Variants in ABI3BP observed in about 807,000 individuals in gnomAD.
The protein encoded by ABI3BP is target of Nesh-SH3.
In ABI3BP, 216 loss-of-function variants were observed where a neutral mutation model predicts 268.6. That is an observed-to-expected ratio of 0.80 (90% CI 0.72 to 0.90). The LOEUF is 0.90. ABI3BP is among the 40% of genes least tolerant of loss of function. ABI3BP has a pLI of 0.00. For synonymous variants in ABI3BP, 730 were observed against 730.0 expected (o/e 1.00, Z 0.00); for missense variants, 2,090 against 2,182.4 (o/e 0.96, Z 0.84).
chr3:100,750,242 A>G lies in ABI3BP; in HGVS notation c.*253T>C. 1 of 344,392 alleles carries G rather than the reference A, an allele frequency of 2.9e-6. No individual in the cohort carries two copies. 21.3% of individuals were successfully genotyped at this position (344,392 alleles called of 1,614,324 possible). Reference sequence around the variant, plus strand: ...TAATATACAAATGATCTCTTAAAATACCATGAATAGGGAGCCAGCTTCCCC... The same window carrying G: ...TAATATACAAATGATCTCTTAAAATGCCATGAATAGGGAGCCAGCTTCCCC... On this transcript the variant is annotated 3_prime_UTR_variant, in exon 68 of 68. Transcript: ENST00000471714.
At chr3:100,826,677 T>A (rs565251944) in intron 34 of ABI3BP, among the ~76,000 whole-genome samples, 2 of 152,308 alleles carry the variant, frequency 1.3e-5, no homozygotes, top group South Asian at 4.1e-4. Context: ...AAATGACTGA[T>A]GATCTTGCTG....
At chr3:100,856,850 C>T (rs528552515) in intron 14 of ABI3BP, among the ~76,000 whole-genome samples, 22 of 152,276 alleles carry the variant, frequency 1.4e-4, no homozygotes, top group African/African-American at 5.1e-4. Flanking sequence ...GGCATTTATG[C>T]TGCTTCTCCT....
At chr3:100,797,521 T>G (rs190879391) in intron 51 of ABI3BP, among the ~76,000 whole-genome samples, 1 of 152,046 alleles carries the variant, frequency 6.6e-6, no homozygotes, top group Admixed American at 6.6e-5. Context: ...AAAATTATGA[T>G]TCAGGCTAGA....
intron 36 of ABI3BP, among the ~76,000 whole-genome samples, chr3:100,824,060 G>C (rs1285175204): frequency 6.6e-6 from 1 of 152,148 alleles, no homozygotes; most frequent in Non-Finnish European, 1.5e-5. Context: ...TGGTCACTCA[G>C]CCTGTAATAA....
At chr3:100,885,902 A>G (rs915807425) in intron 5 of ABI3BP, among the ~76,000 whole-genome samples, 1 of 152,028 alleles carries the variant, frequency 6.6e-6, no homozygotes, top group Admixed American at 6.6e-5. Flanking sequence ...GCTGTAATAC[A>G]ATAGACAACG....
chr3:100,840,270 T>C (rs1184619555), intron 22 of ABI3BP, 106 bp from the exon 23 acceptor site: 2 of 860,800 alleles, frequency 2.3e-6, no homozygotes, highest in East Asian at 5.9e-5. Context: ...TGATTTACTG[T>C]GGACATGTTT....
intron 63 of ABI3BP, among the ~76,000 whole-genome samples, chr3:100,764,269 CTGGGATCCCATAGCACCT>C (rs547935731): frequency 6.6e-6 from 1 of 152,340 alleles, no homozygotes; most frequent in Non-Finnish European, 1.5e-5. Flanking sequence ...GCCTCCCACC[CTGGGATCCCATAGCACCT>C]TGGGCATGCT....
At chr3:100,967,396 C>T (rs1315112254) in intron 1 of ABI3BP, among the ~76,000 whole-genome samples, 4 of 150,640 alleles carry the variant, frequency 2.7e-5, no homozygotes, top group East Asian at 2.0e-4. Flanking sequence ...CCCAGCTACT[C>T]GGGAGGCTGA....
intron 44 of ABI3BP, among the ~76,000 whole-genome samples, chr3:100,814,958 A>G (rs186249758): frequency 1.3e-5 from 2 of 152,260 alleles, no homozygotes; most frequent in African/African-American, 4.8e-5. Context: ...TTTCTCTCAG[A>G]AGGCACAGAA....
intron 6 of ABI3BP, among the ~76,000 whole-genome samples, chr3:100,881,992 G>A (rs376221169): frequency 2.0e-5 from 3 of 152,232 alleles, no homozygotes; most frequent in African/African-American, 7.2e-5. Flanking sequence ...AGGATGGGCT[G>A]TATTTTGTAT....
In ABI3BP at chr3:100,954,039, C is replaced by T. The variant is rs187484909; in HGVS notation, c.80-27558G>A. 2.1e-4 allele frequency among the ~76,000 whole-genome samples: 32 copies of T among 152,208 alleles called. 1 individual carries two copies. The highest frequency in any genetic ancestry group is 4.0e-4 in the Non-Finnish European group (27 of 68,000). On this transcript the variant is annotated intron_variant, in intron 1 of 67. Coordinates refer to ENST00000471714, the MANE Select transcript of ABI3BP (RefSeq NM_001375547.2). ...TCTTTCTCACTCCCAAACACTAGTA[C>T]GTGTAACAAAGGTCCAGATACAGTG...
In ABI3BP at chr3:100,850,684, G is replaced by T. The variant is rs200613525; in HGVS notation, c.1402C>A (p.Leu468Ile). The T allele has an allele frequency of 6.2e-7, 1 of 1,612,962 alleles. No homozygotes were observed. Among genetic ancestry groups the T allele is most frequent in the Non-Finnish European group, 8.5e-7 (1 of 1,179,164 alleles). The change falls in exon 16 of 68, where the codon CTT (leucine) becomes ATT (isoleucine). Residue 468 changes from leucine to isoleucine, a missense_variant. Leu to Ile is a conservative substitution (Grantham distance 5). Coordinates refer to ENST00000471714, the MANE Select transcript of ABI3BP (RefSeq NM_001375547.2). ...DSIPPKTSRTLEQPRATLAPS... is the reference protein window; with the variant it reads ...DSIPPKTSRTIEQPRATLAPS... The stretch of plus-strand genomic sequence containing the variant: ...CCCAGTGTTGCCCTTGGCTGTTCAA[G>T]AGTTCTAGAAGTTTTAGGTGGGATA...
At chr3:100,758,023 A>G (rs1461892846) in intron 63 of ABI3BP, among the ~76,000 whole-genome samples, 1 of 152,208 alleles carries the variant, frequency 6.6e-6, no homozygotes, top group Non-Finnish European at 1.5e-5. Flanking sequence ...GGCCCCATCT[A>G]GGACAAGCCA....
At chr3:100,752,639 CTG>C in intron 66 of ABI3BP, 146 bp downstream of exon 66, 11 of 733,442 alleles carry the variant, frequency 1.5e-5, no homozygotes, top group Non-Finnish European at 2.0e-5. Context: ...GGAATGATAA[CTG>C]TTTCCGTAAC....
At chr3:100,891,072 G>A (rs1327109596) in intron 4 of ABI3BP, among the ~76,000 whole-genome samples, 1 of 150,968 alleles carries the variant, frequency 6.6e-6, no homozygotes, top group Non-Finnish European at 1.5e-5. Flanking sequence ...GGTTGACACA[G>A]TAATCTAGAG....
At chr3:100,968,653 A>G (rs2082256611) in intron 1 of ABI3BP, among the ~76,000 whole-genome samples, 1 of 152,120 alleles carries the variant, frequency 6.6e-6, no homozygotes, top group South Asian at 2.1e-4. Flanking sequence ...TTACAACAAA[A>G]TTTTATGTTG....
At chr3:100,967,001 C>T (rs1252979407) in intron 1 of ABI3BP, among the ~76,000 whole-genome samples, 4 of 151,664 alleles carry the variant, frequency 2.6e-5, no homozygotes, top group Non-Finnish European at 5.9e-5. Flanking sequence ...AGACCCAGGT[C>T]TGTTTTTGAT....
intron 1 of ABI3BP, among the ~76,000 whole-genome samples, chr3:100,950,516 G>C (rs1422357838): frequency 6.7e-6 from 1 of 149,938 alleles, no homozygotes; most frequent in Non-Finnish European, 1.5e-5. Context: ...CATCTGATCT[G>C]GGTCTTGAAT....
chr3:100,773,640 T>G (rs2096618525), intron 61 of ABI3BP, among the ~76,000 whole-genome samples: 1 of 152,216 alleles, frequency 6.6e-6, no homozygotes, highest in Non-Finnish European at 1.5e-5. Flanking sequence ...CAAAGACATG[T>G]ACATGAATGG....
Sources: gnomAD v4.1 joint callset for allele counts (sites outside exome capture counted in the v4.1 genomes callset) on GRCh38, gnomAD v4.1.1 for gene constraint, MANE v1.5 for transcripts, NCBI Gene and HGNC (gene_info 2026-07-23, HGNC 2026-07-21) for gene names.